The following GRID2 variants were observed in gnomAD, a reference collection of about 807,000 sequenced individuals.
The protein encoded by GRID2 is glutamate receptor ionotropic, delta-2.
A neutral mutation model predicts 114.8 loss-of-function variants in GRID2; 33 were observed. The observed-to-expected ratio is 0.29, with a 90% CI of 0.22 to 0.38. GRID2 has a LOEUF of 0.38. Ranked by LOEUF, GRID2 falls within the 10% of genes least tolerant of loss-of-function variation. GRID2 has a pLI of 1.00. For missense variants in GRID2, 1,184 were observed against 1,257.7 expected, an observed-to-expected ratio of 0.94 and a Z score of 0.89; for synonymous variants, 505 against 449.9, an observed-to-expected ratio of 1.12 and a Z score of -1.55.
In GRID2 at chr4:92,799,842, T is replaced by A. The variant is rs569392044; in HGVS notation, c.244+209556T>A. On this transcript the variant is annotated intron_variant, in intron 2 of 15. Transcript: ENST00000282020. ...TCAAGGAAAATTATTTTTGATAGAC[T>A]AGGTCAAGTTATTCTCTACTCAGCA... 8.2e-4 allele frequency among the ~76,000 whole-genome samples: 124 copies of A among 152,096 alleles called. 1 individual carries two copies. Among genetic ancestry groups the A allele is most frequent in the African/African-American group, 2.8e-3 (116 of 41,544 alleles).
chr4:93,461,388 A>G (rs1723726903), intron 11 of GRID2, among the ~76,000 whole-genome samples: 1 of 152,138 alleles, frequency 6.6e-6, no homozygotes, highest in Non-Finnish European at 1.5e-5. Context: ...TGTATAGGCA[A>G]TTGACTTGGA....
intron 1 of GRID2, among the ~76,000 whole-genome samples, chr4:92,336,951 G>GTT (rs1474706431): frequency 0.011 from 177 of 16,528 alleles, 2 homozygotes; most frequent in African/African-American, 0.024. Flanking sequence ...GTCTTTCGTT[G>GTT]TTGTTTTTTT....
intron 2 of GRID2, among the ~76,000 whole-genome samples, chr4:92,888,056 G>T (rs1183508995): frequency 2.0e-5 from 3 of 152,120 alleles, no homozygotes; most frequent in African/African-American, 7.2e-5. Context: ...ATGAAACCTA[G>T]AGTTCGAAGG....
chr4:93,799,100 G>A (rs1245226299), intron 1 of GRID2, among the ~76,000 whole-genome samples: 1 of 152,136 alleles, frequency 6.6e-6, no homozygotes, highest in Non-Finnish European at 1.5e-5. Flanking sequence ...TACTTCACAT[G>A]TTAAATAGCT....
chr4:92,824,236 A>T (rs1741511713), intron 2 of GRID2, among the ~76,000 whole-genome samples: 1 of 152,178 alleles, frequency 6.6e-6, no homozygotes, highest in South Asian at 2.1e-4. Context: ...AAATATCATT[A>T]GGTTCTTATA....
At chr4:93,288,340 C>A (rs544482903) in intron 8 of GRID2, among the ~76,000 whole-genome samples, 1 of 152,232 alleles carries the variant, frequency 6.6e-6, no homozygotes, top group East Asian at 1.9e-4. Flanking sequence ...TGGACTTGAG[C>A]CAAATCCAAA....
At chr4:92,680,778 C>G (rs2149284078) in intron 2 of GRID2, among the ~76,000 whole-genome samples, 1 of 152,234 alleles carries the variant, frequency 6.6e-6, no homozygotes, top group Non-Finnish European at 1.5e-5. Context: ...GGCAAGTGTA[C>G]AAGGCATATG....
At chr4:92,487,121 CTTTAT>C (rs1191032139) in intron 1 of GRID2, among the ~76,000 whole-genome samples, 2 of 152,036 alleles carry the variant, frequency 1.3e-5, no homozygotes, top group East Asian at 1.9e-4. Flanking sequence ...TTCCAAATAA[CTTTAT>C]TTTAATTCAT....
chr4:93,766,153 AATG>A (rs1285887591), intron 14 of GRID2, among the ~76,000 whole-genome samples: 3 of 152,208 alleles, frequency 2.0e-5, no homozygotes, highest in East Asian at 1.9e-4. Flanking sequence ...AGTAATTATA[AATG>A]ATGATAAGTG....
intron 13 of GRID2, among the ~76,000 whole-genome samples, chr4:93,597,792 G>A (rs147427585): frequency 2.6e-5 from 4 of 152,206 alleles, no homozygotes; most frequent in South Asian, 4.1e-4. Context: ...GAAAATCCTT[G>A]CCTACATACC....
chr4:93,371,693 CAT>C lies in GRID2; in HGVS notation c.1246-23913_1246-23912del, dbSNP rs1762927683. Among the ~76,000 whole-genome samples the C allele has an allele frequency of 2.0e-5, 3 of 150,120 alleles. No individual in the cohort carries two copies. In the South Asian group the frequency reaches 6.3e-4, roughly 32 times the overall value. The stretch of plus-strand genomic sequence containing the variant: ...CTGGATGAAAATACTCCATACATCA[CAT>C]GTGCTTTTCTTTTTCTGTATATTGG... On this transcript the variant is annotated intron_variant, in intron 8 of 15. Transcript: ENST00000282020.
chr4:93,489,214 G>GAT (rs796781823), intron 11 of GRID2, among the ~76,000 whole-genome samples: 27 of 152,020 alleles, frequency 1.8e-4, no homozygotes, highest in African/African-American at 5.8e-4. Context: ...GTTATAAAAA[G>GAT]ATATCCTCTG....
intron 2 of GRID2, among the ~76,000 whole-genome samples, chr4:92,618,522 G>C (rs7669339): frequency 6.6e-6 from 1 of 151,672 alleles, no homozygotes; most frequent in Non-Finnish European, 1.5e-5. Flanking sequence ...AAAGTTTAGA[G>C]ATTTTTTTCC....
Position 93,398,919 on chromosome 4 carries a change from T to C in GRID2, c.1347+3211T>C, listed in dbSNP as rs559273656. On this transcript the variant is annotated intron_variant, in intron 9 of 15. Coordinates refer to ENST00000282020, the MANE Select transcript of GRID2 (RefSeq NM_001510.4). ...CTACTCTGAGAATGGAAACCAGTCATTCCCTTCTTATTTATTTTCTACAAG... is the reference window on the plus strand; with the variant it reads ...CTACTCTGAGAATGGAAACCAGTCACTCCCTTCTTATTTATTTTCTACAAG... Among the ~76,000 whole-genome samples, 4 of 152,030 alleles carry C rather than the reference T, an allele frequency of 2.6e-5. No individual in the cohort carries two copies. The South Asian group carries it at 8.3e-4, about 32-fold the overall frequency.
intron 2 of GRID2, among the ~76,000 whole-genome samples, chr4:92,628,295 G>GAAAA (rs1262282423): frequency 3.3e-5 from 5 of 152,008 alleles, no homozygotes; most frequent in Non-Finnish European, 7.4e-5. Flanking sequence ...ATGGGAGAGG[G>GAAAA]AAAAAGATGA....
intron 10 of GRID2, among the ~76,000 whole-genome samples, chr4:93,424,750 T>G (rs1252166210): frequency 1.3e-5 from 2 of 152,132 alleles, no homozygotes; most frequent in Non-Finnish European, 2.9e-5. Flanking sequence ...TTCTTCAATT[T>G]TTTTTACCTT....
intron 2 of GRID2, among the ~76,000 whole-genome samples, chr4:92,828,030 C>CA (rs1741847986): frequency 6.6e-6 from 1 of 152,008 alleles, no homozygotes; most frequent in Non-Finnish European, 1.5e-5. Context: ...GATTCAGTTT[C>CA]AGGAACTTCC....
At chr4:93,438,782 T>G (rs573639669) in intron 10 of GRID2, among the ~76,000 whole-genome samples, 117 of 152,164 alleles carry the variant, frequency 7.7e-4, no homozygotes, top group Non-Finnish European at 1.4e-3. Context: ...GCTGCACCCA[T>G]TAACTTGTCA....
rs138474735 is a variant in GRID2, at chr4:93,509,782, G to T, written c.1998-5434G>T. 7.9e-3 allele frequency among the ~76,000 whole-genome samples: 1,204 copies of T among 152,216 alleles called. 5 individuals carry two copies. The highest frequency in any genetic ancestry group is 0.014 in the Non-Finnish European group (919 of 68,024). On this transcript the variant is annotated intron_variant, in intron 12 of 15. Transcript: ENST00000282020. ...TTTGTAACACTTTGACTTGCTTCTT[G>T]GGTCTAAACAACATTAATTCTCACC...
Sources: allele counts gnomAD v4.1 joint callset (sites outside exome capture counted in the v4.1 genomes callset), GRCh38; gene constraint gnomAD v4.1.1; transcripts MANE v1.5; gene names NCBI Gene and HGNC (gene_info 2026-07-23, HGNC 2026-07-21).